Variants in WHRN observed in about 807,000 individuals in gnomAD.
WHRN encodes the protein CASK-interacting protein CIP98.
A neutral mutation model predicts 68.3 loss-of-function variants in WHRN; 41 were observed. The observed-to-expected ratio is 0.60, with a 90% CI of 0.47 to 0.78. WHRN has a LOEUF of 0.78. Ranked by LOEUF, WHRN falls within the 30% of genes least tolerant of loss-of-function variation. The pLI is 0.00. For missense variants in WHRN, 1,243 were observed against 1,244.7 expected (o/e 1.00, Z 0.02); for synonymous variants, 560 against 561.3 (o/e 1.00, Z 0.03).
intron 3 of WHRN, among the ~76,000 whole-genome samples, chr9:114,430,650 G>A (rs1264880422): frequency 6.6e-6 from 1 of 152,192 alleles, no homozygotes; most frequent in Non-Finnish European, 1.5e-5. Context: ...CAGGTTGGCT[G>A]TGCGAGTCAC....
intron 3 of WHRN, among the ~76,000 whole-genome samples, chr9:114,431,167 G>A (rs1837390507): frequency 6.6e-6 from 1 of 152,162 alleles, no homozygotes. Flanking sequence ...TAGTTTTAAA[G>A]CCAGGCAACC....
At chr9:114,419,097 G>A (rs1419508612) in intron 7 of WHRN, among the ~76,000 whole-genome samples, 2 of 152,166 alleles carry the variant, frequency 1.3e-5, no homozygotes, top group Non-Finnish European at 2.9e-5. Context: ...AGATCCTTCA[G>A]GGAAGAATCA....
chr9:114,437,691 T>C (rs1463320807), intron 3 of WHRN, among the ~76,000 whole-genome samples: 3 of 152,244 alleles, frequency 2.0e-5, no homozygotes, highest in East Asian at 1.9e-4. Flanking sequence ...GCCATGAAGA[T>C]AGCCCCTATC....
At chr9:114,452,493 G>T (rs1332807059) in intron 3 of WHRN, among the ~76,000 whole-genome samples, 1 of 152,220 alleles carries the variant, frequency 6.6e-6, no homozygotes. Flanking sequence ...GAGAAGGCAG[G>T]CCCTGAGCCA....
At chr9:114,428,946 T>G (rs1433742994) in intron 3 of WHRN, among the ~76,000 whole-genome samples, 1 of 147,434 alleles carries the variant, frequency 6.8e-6, no homozygotes, top group African/African-American at 2.5e-5. Context: ...TTTTTTTTTC[T>G]TGGAGACTGA....
At chr9:114,415,361 C>T (rs915445823) in intron 7 of WHRN, among the ~76,000 whole-genome samples, 2 of 152,008 alleles carry the variant, frequency 1.3e-5, no homozygotes, top group East Asian at 1.9e-4. Flanking sequence ...TAAACACAAA[C>T]GCCTCCCGCT....
chr9:114,427,147 A>G (rs538081375), intron 3 of WHRN, among the ~76,000 whole-genome samples: 1 of 152,292 alleles, frequency 6.6e-6, no homozygotes, highest in Non-Finnish European at 1.5e-5. Flanking sequence ...GTCCTTAGCT[A>G]CTTGGGAGTC....
chr9:114,475,154 GTA>G lies in WHRN; in HGVS notation c.837+3397_837+3398del, dbSNP rs767943675. On this transcript the variant is annotated intron_variant, in intron 2 of 11. Transcript: ENST00000362057. ...CTCCAGCAAGCCCACTTTGGGGTAT[GTA>G]TCCAAAAAAATTAAAAGTAAGCAGA... 2.6e-5 allele frequency among the ~76,000 whole-genome samples: 4 copies of G among 152,254 alleles called. No individual in the cohort carries two copies. The South Asian group carries it at 8.3e-4, about 32-fold the overall frequency.
chr9:114,459,509 C>T (rs759180741), intron 3 of WHRN, among the ~76,000 whole-genome samples: 2 of 152,064 alleles, frequency 1.3e-5, no homozygotes, highest in Non-Finnish European at 2.9e-5. Flanking sequence ...ACAGAGATGG[C>T]ACATATAGAT....
intron 4 of WHRN, 160 bp downstream of exon 4, chr9:114,426,051 G>C: frequency 1.2e-6 from 1 of 844,856 alleles, no homozygotes; most frequent in Non-Finnish European, 1.9e-6. Flanking sequence ...CAAGAGAGGA[G>C]AGGGATGTGC....
At chr9:114,470,383 G>A (rs1402518340) in intron 2 of WHRN, among the ~76,000 whole-genome samples, 1 of 152,152 alleles carries the variant, frequency 6.6e-6, no homozygotes, top group Non-Finnish European at 1.5e-5. Context: ...TCACCACACG[G>A]GTCCTGTATG....
At chr9:114,488,634 G>A (rs1842728436) in intron 1 of WHRN, among the ~76,000 whole-genome samples, 1 of 152,304 alleles carries the variant, frequency 6.6e-6, no homozygotes, top group Non-Finnish European at 1.5e-5. Context: ...AGCAGGTGCT[G>A]TGTCCAGCCA....
intron 1 of WHRN, among the ~76,000 whole-genome samples, chr9:114,493,736 A>G (rs1843203253): frequency 6.6e-6 from 1 of 152,236 alleles, no homozygotes. Flanking sequence ...AACAAAAAGG[A>G]AAAAGTGCCC....
chr9:114,484,734 A>G (rs575899331), intron 1 of WHRN, among the ~76,000 whole-genome samples: 1 of 152,378 alleles, frequency 6.6e-6, no homozygotes, highest in African/African-American at 2.4e-5. Flanking sequence ...CTATTCTGGC[A>G]GCACGTTATG....
Position 114,406,693 on chromosome 9 carries a change from G to C in WHRN, c.1898C>G (p.Thr633Ser), listed in dbSNP as rs1042726553. The change falls in exon 9 of 12, where the codon ACC (threonine) becomes AGC (serine). Residue 633 changes from threonine (T) to serine (S), a missense_variant. Coordinates refer to ENST00000362057, the MANE Select transcript of WHRN (RefSeq NM_015404.4). ...AGAGGAGGTCCCTGGGGTGGGTGCG[G>C]TGCCCGCTGGCGGGCTGCGGTTCTG... Reference protein sequence around the residue: ...APQNRSPPAGTAPTPGTSSAQ... With the variant: ...APQNRSPPAGSAPTPGTSSAQ... 9 of 1,613,902 alleles carry C rather than the reference G, an allele frequency of 5.6e-6. No individual in the cohort carries two copies. The highest frequency in any genetic ancestry group is 7.6e-6 in the Non-Finnish European group (9 of 1,180,024).
At chr9:114,504,104 C>A in intron 1 of WHRN, 80 bp downstream of exon 1, 1 of 1,598,670 alleles carries the variant, frequency 6.3e-7, no homozygotes, top group Non-Finnish European at 8.5e-7. Flanking sequence ...CATCTAAGGA[C>A]ACACAGCATG....
At position 114,469,355 on chromosome 9, in the gene WHRN, C is replaced by T. The variant is rs538371829; in HGVS notation, c.838-2963G>A. Among the ~76,000 whole-genome samples, 10 of 152,308 alleles carry T rather than the reference C, an allele frequency of 6.6e-5. No individual in the cohort carries two copies. The East Asian group carries it at 1.9e-3, about 29-fold the overall frequency. Reference sequence around the variant, plus strand: ...TGCTAGGCCTTGTGCTGGGTCACTCCAGAAGCTCAGGAGTCACCGGGTGGT... The same window carrying T: ...TGCTAGGCCTTGTGCTGGGTCACTCTAGAAGCTCAGGAGTCACCGGGTGGT... On this transcript the variant is annotated intron_variant, in intron 2 of 11. Transcript: ENST00000362057.
chr9:114,450,641 G>C lies in WHRN; in HGVS notation c.963+15626C>G, dbSNP rs111827054. Among the ~76,000 whole-genome samples, 1,391 of 152,120 alleles carry C rather than the reference G, an allele frequency of 9.1e-3. 12 individuals are homozygous for C. The highest frequency in any genetic ancestry group is 0.013 in the Non-Finnish European group (915 of 68,010). On this transcript the variant is annotated intron_variant, in intron 3 of 11. Coordinates refer to ENST00000362057, the MANE Select transcript of WHRN (RefSeq NM_015404.4). The stretch of plus-strand genomic sequence containing the variant: ...TCAAGTGCTTGCTAGAGATTCTCTG[G>C]CTACATCTTCACCATGTCCCAAGAG...
intron 7 of WHRN, among the ~76,000 whole-genome samples, chr9:114,414,314 T>A (rs1211600784): frequency 2.6e-5 from 4 of 152,226 alleles, no homozygotes; most frequent in African/African-American, 9.6e-5. Flanking sequence ...AAGTAGCATG[T>A]TTTACGTTGT....
Sources: allele counts gnomAD v4.1 joint callset (sites outside exome capture counted in the v4.1 genomes callset), GRCh38; gene constraint gnomAD v4.1.1; transcripts MANE v1.5; gene names NCBI Gene and HGNC (gene_info 2026-07-23, HGNC 2026-07-21).